Variants in PAK6 observed in about 807,000 individuals in gnomAD.
PAK6 encodes serine/threonine-protein kinase PAK 6.
Under a neutral mutation model 60.8 loss-of-function variants are expected in PAK6, and 33 were observed. The observed-to-expected ratio is 0.54, with a 90% CI of 0.41 to 0.73. The LOEUF is 0.73. Among genes scored for constraint, PAK6 ranks in the 30% least tolerant of loss-of-function variants. The pLI, the probability that PAK6 is intolerant of heterozygous loss-of-function variation, is 0.00. For synonymous variants in PAK6, 404 were observed against 378.5 expected, an observed-to-expected ratio of 1.07 and a Z score of -0.78; for missense variants, 845 against 904.1, an observed-to-expected ratio of 0.93 and a Z score of 0.84.
chr15:40,272,463 G>T (rs1426511572), exon 6 of PAK6: 2 of 1,613,766 alleles, frequency 1.2e-6, no homozygotes, highest in Non-Finnish European at 1.7e-6. Flanking sequence ...ACCTGTACCT[G>T]CCCCAGGACC....
At chr15:40,256,388 A>G (rs2038835150) in intron 3 of PAK6, among the ~76,000 whole-genome samples, 1 of 152,190 alleles carries the variant, frequency 6.6e-6, no homozygotes, top group South Asian at 2.1e-4. Context: ...GTGTGGGATG[A>G]CAGTTCCCAA....
At chr15:40,244,559 G>A (rs1472132865) in intron 2 of PAK6, among the ~76,000 whole-genome samples, 5 of 151,340 alleles carry the variant, frequency 3.3e-5, no homozygotes, top group Admixed American at 6.6e-5. Flanking sequence ...CACCATGCCC[G>A]GCTGATTTTT....
chr15:40,265,677 CCT>C (rs2039106383), intron 4 of PAK6, among the ~76,000 whole-genome samples, 163 bp from the exon 5 acceptor site: 1 of 152,112 alleles, frequency 6.6e-6, no homozygotes, highest in African/African-American at 2.4e-5. Flanking sequence ...CACGGTGGGC[CCT>C]GATAAATTAT....
At chr15:40,239,311 TC>T (rs2038251869), upstream of PAK6, 1 of 152,362 alleles carries the variant, frequency 6.6e-6, no homozygotes, top group Admixed American at 6.5e-5. Context: ...GCTGCTCCCG[TC>T]CTGATGTGCC....
chr15:40,267,775 C>T (rs57314452), intron 5 of PAK6, among the ~76,000 whole-genome samples: 9,419 of 152,262 alleles, frequency 0.062, 989 homozygotes, highest in African/African-American at 0.21. Flanking sequence ...GAGAGGAACA[C>T]GAGCATCTGT....
chr15:40,264,950 C>T, exon 4 of PAK6: 1 of 1,613,654 alleles, frequency 6.2e-7, no homozygotes, highest in Non-Finnish European at 8.5e-7. Flanking sequence ...CCGTGGTGGA[C>T]CCTTCGCGAA....
intron 10 of PAK6, among the ~76,000 whole-genome samples, chr15:40,275,280 G>GTTTTTTTTTTTTCTTTTTTTTTTTTTTTT (rs2039419526): frequency 1.8e-5 from 1 of 56,486 alleles, no homozygotes; most frequent in Non-Finnish European, 3.1e-5. Flanking sequence ...GTTGTTGTTG[G>GTTTTTTTTTTTTCTTTTTTTTTTTTTTTT]TTTTTTTTTT....
At chr15:40,259,762 G>A (rs1380331622) in intron 3 of PAK6, 5 of 124,274 alleles carry the variant, frequency 4.0e-5, no homozygotes, top group Non-Finnish European at 8.1e-5. Flanking sequence ...ACTCCAGCCT[G>A]GGCAACAGAG....
At chr15:40,253,622 AAG>A (rs2038752989) in intron 3 of PAK6, among the ~76,000 whole-genome samples, 1 of 152,078 alleles carries the variant, frequency 6.6e-6, no homozygotes, top group Non-Finnish European at 1.5e-5. Flanking sequence ...CATGCCGGGG[AAG>A]AGGTTCCCAA....
At chr15:40,253,141 A>C (rs1284913446) in intron 2 of PAK6, 37 bp from the exon 3 acceptor site, 1 of 448,302 alleles carries the variant, frequency 2.2e-6, no homozygotes, top group Non-Finnish European at 4.5e-6. Context: ...CACTTGCTAC[A>C]TTTGCCATAA....
At chr15:40,260,895 ATTT>A (rs34624849) in intron 3 of PAK6, among the ~76,000 whole-genome samples, 5 of 148,660 alleles carry the variant, frequency 3.4e-5, no homozygotes. Flanking sequence ...TAAAAATTTC[ATTT>A]TTTTTTTTGA....
At chr15:40,252,408 A>C in intron 2 of PAK6, 1 of 1,348,978 alleles carries the variant, frequency 7.4e-7, no homozygotes, top group Non-Finnish European at 9.8e-7. Context: ...ACTGGGGCCA[A>C]GCAGGTGGAG....
At chr15:40,265,023 C>G (rs780740473) in intron 4 of PAK6, 34 bp downstream of exon 4, 2 of 1,582,292 alleles carry the variant, frequency 1.3e-6, no homozygotes, top group South Asian at 2.3e-5. Flanking sequence ...GGTTCAGCCT[C>G]TCCCAGTACT....
At position 40,244,307 on chromosome 15, in the gene PAK6, G is replaced by A. The variant is rs533074086; in HGVS notation, c.-118+3626G>A. ...GATCGTGCCACTGCACTCCAGCCTG[G>A]CCACAGAGCAAGACTCTGTCTCAAA... On this transcript the variant is annotated intron_variant, in intron 2 of 10. Coordinates refer to ENST00000560346, the Ensembl canonical transcript of PAK6. Among the ~76,000 whole-genome samples the A allele has an allele frequency of 4.4e-5, 6 of 135,204 alleles. No homozygotes were observed. The South Asian group carries it at 1.3e-3, about 30-fold the overall frequency. The allele number at this position is 135,204 out of a possible 152,430, so 88.7% of individuals were successfully genotyped here.
intron 4 of PAK6, 118 bp from the exon 5 acceptor site, chr15:40,265,724 G>C: frequency 1.2e-6 from 1 of 831,664 alleles, no homozygotes; most frequent in Non-Finnish European, 1.8e-6. Context: ...CAGCAGGGAA[G>C]GTCCTTAGGT....
exon 11 of PAK6, chr15:40,276,288 G>A (rs553791008): frequency 1.2e-5 from 7 of 583,576 alleles, no homozygotes; most frequent in African/African-American, 3.7e-5. Flanking sequence ...TCTCCCTCCC[G>A]AGTCCCCAGA....
chr15:40,240,485 C>T (rs2140934913), intron 1 of PAK6, 114 bp from the exon 2 acceptor site: 1 of 353,768 alleles, frequency 2.8e-6, no homozygotes, highest in South Asian at 2.1e-5. Flanking sequence ...GCTGTGTGCC[C>T]ACAGTGGCAG....
At chr15:40,274,422 C>T (rs889745804) in intron 10 of PAK6, 146 bp downstream of exon 10, 1 of 856,784 alleles carries the variant, frequency 1.2e-6, no homozygotes. Flanking sequence ...CACACAAAAC[C>T]CGCACCTGGG....
chr15:40,270,870 A>G (rs8028975), intron 5 of PAK6, among the ~76,000 whole-genome samples: 351 of 152,248 alleles, frequency 2.3e-3, no homozygotes, highest in African/African-American at 8.1e-3. Context: ...ACTTGGCTGG[A>G]GAGTAGAAGC....
Sources: allele counts gnomAD v4.1 joint callset (sites outside exome capture counted in the v4.1 genomes callset), GRCh38; gene constraint gnomAD v4.1.1; transcripts MANE v1.5; gene names NCBI Gene and HGNC (gene_info 2026-07-23, HGNC 2026-07-21).